Variants in CDK19 observed in about 807,000 individuals in gnomAD.
The protein encoded by CDK19 is cyclin dependent kinase 19.
Under a neutral mutation model 68.3 loss-of-function variants are expected in CDK19, and 20 were observed. That is an observed-to-expected ratio of 0.29 (90% confidence interval 0.21 to 0.43). The LOEUF is 0.43. Ranked by LOEUF, CDK19 falls within the 20% of genes least tolerant of loss-of-function variation. The probability of loss-of-function intolerance (pLI) is 1.00; values close to 1 mark genes in which losing one functional copy is unlikely to be tolerated. For synonymous variants in CDK19, 221 were observed against 222.8 expected (o/e 0.99, Z 0.07); for missense variants, 339 against 623.5 (o/e 0.54, Z 4.86).
At chr6:110,634,430 C>T (rs1006686754) in intron 5 of CDK19, among the ~76,000 whole-genome samples, 4 of 152,168 alleles carry the variant, frequency 2.6e-5, no homozygotes, top group African/African-American at 7.2e-5. Flanking sequence ...GTTGGCCAGG[C>T]TGGTCATGAA....
At chr6:110,707,317 C>T (rs1774593654) in intron 2 of CDK19, among the ~76,000 whole-genome samples, 1 of 152,004 alleles carries the variant, frequency 6.6e-6, no homozygotes, top group Non-Finnish European at 1.5e-5. Context: ...GCCTGAGTGA[C>T]AGAGGGAGCC....
chr6:110,651,716 T>C (rs534398139), intron 4 of CDK19, among the ~76,000 whole-genome samples: 1 of 152,350 alleles, frequency 6.6e-6, no homozygotes, highest in South Asian at 2.1e-4. Context: ...TTCTAGAATA[T>C]GTTTGGAGCA....
intron 1 of CDK19, among the ~76,000 whole-genome samples, chr6:110,761,475 T>G (rs186515674): frequency 1.3e-5 from 2 of 152,294 alleles, no homozygotes; most frequent in Admixed American, 1.3e-4. Context: ...TCCCAGTGTC[T>G]AGCTCGGGCA....
At chr6:110,693,521 T>C (rs977435515) in intron 2 of CDK19, among the ~76,000 whole-genome samples, 2 of 152,210 alleles carry the variant, frequency 1.3e-5, no homozygotes, top group African/African-American at 2.4e-5. Flanking sequence ...AGTGCAGCCC[T>C]ATAGGCTGGC....
intron 6 of CDK19, among the ~76,000 whole-genome samples, chr6:110,630,115 C>T (rs964723062): frequency 4.6e-5 from 7 of 152,202 alleles, no homozygotes; most frequent in African/African-American, 1.7e-4. Context: ...ACAACAGAAT[C>T]ACCTACCTAA....
intron 6 of CDK19, among the ~76,000 whole-genome samples, chr6:110,629,776 A>G (rs1779327018): frequency 6.6e-6 from 1 of 152,228 alleles, no homozygotes; most frequent in Admixed American, 6.5e-5. Flanking sequence ...TTTGGGGATT[A>G]TTCTTTCTTT....
intron 4 of CDK19, among the ~76,000 whole-genome samples, chr6:110,663,532 T>C (rs1781739801): frequency 7.2e-6 from 1 of 139,814 alleles, no homozygotes; most frequent in African/African-American, 2.7e-5. Flanking sequence ...TGGTTCAAAG[T>C]TTCTTTTTCT....
At chr6:110,799,863 A>G (rs1782227966) in intron 1 of CDK19, among the ~76,000 whole-genome samples, 1 of 152,090 alleles carries the variant, frequency 6.6e-6, no homozygotes, top group African/African-American at 2.4e-5. Flanking sequence ...TAGACCTCCC[A>G]AAGCGCTGGA....
intron 4 of CDK19, among the ~76,000 whole-genome samples, chr6:110,644,018 G>A (rs987288736): frequency 2.0e-5 from 3 of 151,866 alleles, no homozygotes; most frequent in African/African-American, 7.3e-5. Flanking sequence ...AATTGGCCAG[G>A]CGCAGTGGCT....
rs9481098 is a variant in CDK19, at chr6:110,709,105, A to T, written c.204+37021T>A. On this transcript the variant is annotated intron_variant, in intron 2 of 12. Coordinates refer to ENST00000368911, the MANE Select transcript of CDK19 (RefSeq NM_015076.5). ...ACATTATTATCTCAATAGATGCAGA[A>T]AAGGCCTTCATACTAAAAACCTCAA... 7.9e-3 allele frequency among the ~76,000 whole-genome samples: 1,196 copies of T among 152,332 alleles called. 24 individuals are homozygous for T. The highest frequency in any genetic ancestry group is 0.028 in the African/African-American group (1,144 of 41,560).
chr6:110,783,143 C>T (rs749840434), intron 1 of CDK19, among the ~76,000 whole-genome samples: 3 of 152,192 alleles, frequency 2.0e-5, no homozygotes, highest in Non-Finnish European at 4.4e-5. Context: ...CACTTTGCAT[C>T]CATAGCCTGA....
intron 2 of CDK19, among the ~76,000 whole-genome samples, chr6:110,724,660 C>CT (rs1776192592): frequency 6.6e-6 from 1 of 152,092 alleles, no homozygotes; most frequent in Admixed American, 6.6e-5. Flanking sequence ...AATGAAAAAG[C>CT]TAAAGTTGAA....
chr6:110,778,026 T>G (rs756641207), intron 1 of CDK19, among the ~76,000 whole-genome samples: 1 of 152,086 alleles, frequency 6.6e-6, no homozygotes, highest in African/African-American at 2.4e-5. Context: ...AGTTTCAGAT[T>G]TGTAAGATGA....
chr6:110,734,246 G>C (rs1197887174), intron 2 of CDK19, among the ~76,000 whole-genome samples: 1 of 152,090 alleles, frequency 6.6e-6, no homozygotes. Flanking sequence ...CTGAGCTCAA[G>C]TGATCCACCC....
intron 2 of CDK19, among the ~76,000 whole-genome samples, chr6:110,699,420 G>A (rs183445771): frequency 8.9e-5 from 11 of 123,012 alleles, no homozygotes; most frequent in South Asian, 3.0e-4. Flanking sequence ...GTAAGACTTC[G>A]TCTCAAAAAA....
chr6:110,755,878 T>C (rs1412830183), intron 1 of CDK19, among the ~76,000 whole-genome samples: 2 of 151,922 alleles, frequency 1.3e-5, no homozygotes, highest in African/African-American at 4.8e-5. Flanking sequence ...ATGTAGAAGT[T>C]TGAGGAGGGT....
chr6:110,707,059 C>A (rs575743411), intron 2 of CDK19, among the ~76,000 whole-genome samples: 1 of 150,224 alleles, frequency 6.7e-6, no homozygotes, highest in South Asian at 2.1e-4. Context: ...ACCTGTAATC[C>A]TAGCACTTTG....
At position 110,614,307 on chromosome 6, in the gene CDK19, A is replaced by G. The variant is rs1403685401; in HGVS notation, c.*228T>C. 9.8e-6 allele frequency: 4 copies of G among 407,200 alleles called. No homozygotes were observed. Among genetic ancestry groups the G allele is most frequent in the Non-Finnish European group, 1.8e-5 (4 of 224,682 alleles). 25.2% of individuals were successfully genotyped at this position (407,200 alleles called of 1,614,324 possible). On this transcript the variant is annotated 3_prime_UTR_variant, in exon 13 of 13. Transcript: ENST00000368911. The stretch of plus-strand genomic sequence containing the variant: ...CAGACGCTTTATCAGAGAAGTCACA[A>G]TGGAACACATGCAGGGAAGGGGTGC...
At chr6:110,646,475 G>C in intron 4 of CDK19, 1 of 1,479,006 alleles carries the variant, frequency 6.8e-7, no homozygotes, top group Non-Finnish European at 9.0e-7. Context: ...CCAGAAGGCG[G>C]AGCCCAGCTC....
Sources: allele counts gnomAD v4.1 joint callset (sites outside exome capture counted in the v4.1 genomes callset), GRCh38; gene constraint gnomAD v4.1.1; transcripts MANE v1.5; gene names NCBI Gene and HGNC (gene_info 2026-07-23, HGNC 2026-07-21).